KDM4A: variants seen among roughly 807,000 people sequenced by gnomAD.
KDM4A encodes the protein lysine demethylase 4A.
KDM4A carries 23 observed loss-of-function variants against 127.1 expected under a neutral mutation model. The observed-to-expected ratio is 0.18, with a 90% CI of 0.13 to 0.26. The LOEUF (loss-of-function observed/expected upper bound fraction) is 0.26, where lower values mean the gene tolerates loss of function less well. Ranked by LOEUF, KDM4A falls within the 10% of genes least tolerant of loss-of-function variation. The probability of loss-of-function intolerance (pLI) is 1.00; values close to 1 mark genes in which losing one functional copy is unlikely to be tolerated. For missense variants in KDM4A, 890 were observed against 1,329.1 expected (o/e 0.67, Z 5.14); for synonymous variants, 443 against 466.5 (o/e 0.95, Z 0.65).
At chr1:43,671,429 C>A in intron 10 of KDM4A, 76 bp from the exon 11 acceptor site, 4 of 1,459,620 alleles carry the variant, frequency 2.7e-6, no homozygotes, top group Non-Finnish European at 3.7e-6. Flanking sequence ...GTTCCTTGTG[C>A]TTTGCCCTCT....
chr1:43,675,522 A>AT (rs1030599807), intron 11 of KDM4A, among the ~76,000 whole-genome samples: 2 of 152,146 alleles, frequency 1.3e-5, no homozygotes, highest in Non-Finnish European at 2.9e-5. Flanking sequence ...GGTGTTCTAA[A>AT]TGCTCATGAT....
intron 5 of KDM4A, among the ~76,000 whole-genome samples, chr1:43,664,227 T>A (rs1660450036): frequency 1.3e-5 from 2 of 152,030 alleles, no homozygotes; most frequent in African/African-American, 4.8e-5. Context: ...TTGAGGGAAG[T>A]GTATCCAGGC....
chr1:43,660,662 G>T (rs774122958), intron 4 of KDM4A, among the ~76,000 whole-genome samples: 1 of 152,142 alleles, frequency 6.6e-6, no homozygotes, highest in Non-Finnish European at 1.5e-5. Flanking sequence ...TAGCATAGTC[G>T]GTGGGTGGTA....
At chr1:43,700,294 A>G (rs1055765044) in intron 19 of KDM4A, among the ~76,000 whole-genome samples, 1 of 151,332 alleles carries the variant, frequency 6.6e-6, no homozygotes, top group Non-Finnish European at 1.5e-5. Context: ...GCGCCCAGCT[A>G]ATTTTTTAAT....
chr1:43,697,717 TC>T, intron 18 of KDM4A, 125 bp from the exon 19 acceptor site: 1 of 912,816 alleles, frequency 1.1e-6, no homozygotes, highest in Non-Finnish European at 1.7e-6. Flanking sequence ...ATCTCTTCTC[TC>T]CTTTTTACTT....
chr1:43,703,846 C>A, intron 20 of KDM4A, 110 bp downstream of exon 20: 2 of 1,465,206 alleles, frequency 1.4e-6, no homozygotes, highest in Admixed American at 1.9e-5. Flanking sequence ...AGGTTGGTAA[C>A]CCTTTCAGAG....
At position 43,704,538 on chromosome 1, in the gene KDM4A, T is replaced by C; in HGVS notation, c.*168T>C. ...CACCCACCCTCATTGCATTCCGCTG[T>C]AGTGAAAGGACGAGCCATTTCTGGG... On this transcript the variant is annotated 3_prime_UTR_variant, in exon 22 of 22. Coordinates refer to ENST00000372396, the MANE Select transcript of KDM4A (RefSeq NM_014663.3). 2 of 733,270 alleles carry C rather than the reference T, an allele frequency of 2.7e-6. No individual in the cohort carries two copies. Among genetic ancestry groups the C allele is most frequent in the Non-Finnish European group, 4.3e-6 (2 of 459,826 alleles). The allele number at this position is 733,270 out of a possible 1,614,324, so 45.4% of individuals were successfully genotyped here. A position where few individuals can be genotyped will look rare whatever the true frequency, so the allele number is the denominator to read the frequency against.
rs776231168 is a variant in KDM4A at position 43,683,754 on chromosome 1, A to G, written c.1805A>G (p.Lys602Arg). 5.0e-6 allele frequency: 8 copies of G among 1,614,010 alleles called. No individual in the cohort carries two copies. Among genetic ancestry groups the G allele is most frequent in the Non-Finnish European group, 5.9e-6 (7 of 1,180,022 alleles). The change falls in exon 12 of 22, where the codon AAG becomes AGG. Residue 602 changes from lysine to arginine, a missense_variant. Around this residue, in one of 7 missense-constraint regions of KDM4A, gnomAD observed 389 missense variants for 485.9 expected, o/e 0.80. Transcript: ENST00000372396. ...AAGGGACGCCGTCAGCCTTTAAGCA[A>G]GCTCCCCCGCCATCACCCACTTGTG... ...KSKGRRQPLS[K>R]LPRHHPLVLQ... is the part of the protein sequence containing the mutation.
chr1:43,671,583 AAGC>A lies in KDM4A; in HGVS notation c.1449_1451del (p.Ala485del), dbSNP rs1430796484. 6.2e-7 allele frequency: 1 copy of A among 1,610,088 alleles called. No homozygotes were observed. The highest frequency in any genetic ancestry group is 1.1e-5 in the South Asian group (1 of 90,366). On this transcript the variant is annotated inframe_deletion, in exon 11 of 22. Transcript: ENST00000372396. ...GAAGAGGAGGATGAGGAGGAAGAAC[AAGC>A]AGCAGCTGCCTTGGATCTTTCTGTG...
intron 1 of KDM4A, among the ~76,000 whole-genome samples, chr1:43,652,272 G>A (rs1660130235): frequency 1.3e-5 from 2 of 152,166 alleles, no homozygotes; most frequent in Admixed American, 6.6e-5. Flanking sequence ...AGCTTGAAAG[G>A]ATAAGGGTAA....
chr1:43,697,731 A>ACTTTCC, intron 18 of KDM4A, 112 bp from the exon 19 acceptor site: 1 of 1,049,896 alleles, frequency 9.5e-7, no homozygotes, highest in South Asian at 1.6e-5. Context: ...TTTTACTTTT[A>ACTTTCC]CTTTCCCATG....
At chr1:43,672,917 C>CAAGA (rs1660657727) in intron 11 of KDM4A, among the ~76,000 whole-genome samples, 1 of 152,226 alleles carries the variant, frequency 6.6e-6, no homozygotes, top group Non-Finnish European at 1.5e-5. Flanking sequence ...GATGACCTTT[C>CAAGA]TTACCTTGAA....
chr1:43,657,200 C>T (rs1389172817), intron 3 of KDM4A, among the ~76,000 whole-genome samples: 3 of 151,690 alleles, frequency 2.0e-5, no homozygotes, highest in African/African-American at 7.3e-5. Flanking sequence ...CACCTTAACT[C>T]CTTTTATTTA....
At chr1:43,673,061 T>C (rs1660662837) in intron 11 of KDM4A, among the ~76,000 whole-genome samples, 1 of 152,100 alleles carries the variant, frequency 6.6e-6, no homozygotes. Flanking sequence ...GGCTTCCTCC[T>C]TAAATACATG....
chr1:43,691,598 C>G, intron 15 of KDM4A, 26 bp downstream of exon 15: 1 of 1,592,844 alleles, frequency 6.3e-7, no homozygotes, highest in South Asian at 1.1e-5. Context: ...CTGTTACTGT[C>G]TTCACCATGA....
intron 18 of KDM4A, among the ~76,000 whole-genome samples, chr1:43,696,478 A>G (rs1186075560): frequency 1.3e-5 from 2 of 152,252 alleles, no homozygotes; most frequent in African/African-American, 2.4e-5. Flanking sequence ...GGCTGACTGC[A>G]TTCTTTTTCA....
chr1:43,667,958 G>A lies in KDM4A; in HGVS notation c.1102G>A (p.Glu368Lys). 6.2e-7 allele frequency: 1 copy of A among 1,614,188 alleles called. No individual in the cohort carries two copies. Among genetic ancestry groups the A allele is most frequent in the Non-Finnish European group, 8.5e-7 (1 of 1,180,046 alleles). The stretch of plus-strand genomic sequence containing the variant: ...GCCTCCAAGAGCTGGCAACGAGGAG[G>A]AGTGCCCAGAGGAGGACATGGAAGG... ...ELPPRAGNEE[E>K]CPEEDMEGVE... The change falls in exon 9 of 22, where the codon GAG (glutamate) becomes AAG (lysine). Residue 368 changes from glutamate to lysine, a missense_variant. Glu to Lys is a moderately conservative substitution (Grantham distance 56, BLOSUM62 1). This residue lies in a region of KDM4A where 389 missense variants were observed against 485.9 expected (regional missense o/e 0.80). Transcript: ENST00000372396.
chr1:43,704,582 G>T lies in KDM4A; in HGVS notation c.*212G>T. ...TTCTGGGCACGTGGCAGCAGTCGCT[G>T]ATCTCCCAGCTGAGGGGCTGAGCAC... On this transcript the variant is annotated 3_prime_UTR_variant, in exon 22 of 22. Transcript: ENST00000372396. 1.8e-6 allele frequency: 1 copy of T among 559,500 alleles called. No individual in the cohort carries two copies. Among genetic ancestry groups the T allele is most frequent in the Non-Finnish European group, 3.1e-6 (1 of 318,988 alleles). 34.7% of individuals were successfully genotyped at this position (559,500 alleles called of 1,614,324 possible).
rs949538644 is a variant in KDM4A, at chr1:43,661,626, A to G, written c.429+1214A>G. On this transcript the variant is annotated intron_variant, in intron 4 of 21. Coordinates refer to ENST00000372396, the MANE Select transcript of KDM4A (RefSeq NM_014663.3). The stretch of plus-strand genomic sequence containing the variant: ...TCTGTCTCAAAAAAAAAAAAAAAAA[A>G]AAAAAAAAAAAAAAGAATTCCAGTT... Among the ~76,000 whole-genome samples, 269 of 148,318 alleles carry G rather than the reference A, an allele frequency of 1.8e-3. 5 individuals carry two copies. The highest frequency in any genetic ancestry group is 6.3e-3 in the African/African-American group (250 of 39,796).
Sources: gnomAD v4.1 joint callset for allele counts (sites outside exome capture counted in the v4.1 genomes callset) on GRCh38, gnomAD v4.1.1 for gene constraint, gnomAD v4.1.1 regional missense constraint, MANE v1.5 for transcripts, NCBI Gene and HGNC (gene_info 2026-07-23, HGNC 2026-07-21) for gene names.